RALGPS1: variants seen among roughly 807,000 people sequenced by gnomAD.
RALGPS1 encodes the protein Ral GEF with PH domain and SH3 binding motif 1.
RALGPS1 carries 19 observed loss-of-function variants against 78.8 expected under a neutral mutation model. The ratio of observed to expected loss-of-function variants is 0.24; its 90% CI spans 0.17 to 0.35. The LOEUF is 0.35. Ranked by LOEUF, RALGPS1 falls within the 10% of genes least tolerant of loss-of-function variation. The pLI, the probability that RALGPS1 is intolerant of heterozygous loss-of-function variation, is 1.00. For synonymous variants in RALGPS1, 228 were observed against 256.3 expected (o/e 0.89, Z 1.06); for missense variants, 454 against 688.3 (o/e 0.66, Z 3.81).
At chr9:126,933,975 C>T (rs554152565) in intron 1 of RALGPS1, among the ~76,000 whole-genome samples, 25 of 152,256 alleles carry the variant, frequency 1.6e-4, no homozygotes, top group Non-Finnish European at 3.1e-4. Context: ...TGTCAGAATG[C>T]GTTTTCCCAC....
chr9:127,055,208 A>ATCTGTCTG lies in RALGPS1; in HGVS notation c.483+2272_483+2273insGTCTGTCT, dbSNP rs1554809728. Among the ~76,000 whole-genome samples the ATCTGTCTG allele has an allele frequency of 3.2e-3, 299 of 92,056 alleles. 1 individual carries two copies. The highest frequency in any genetic ancestry group is 4.5e-3 in the Middle Eastern group (1 of 220). 60.4% of individuals were successfully genotyped at this position (92,056 alleles called of 152,430 possible). A position where few individuals can be genotyped will look rare whatever the true frequency, so the allele number is the denominator to read the frequency against. Reference sequence around the variant, plus strand: ...ACTGCCCTAAATGCTTTTTCTATCTATCTATCTGTCTGTCTGTCTGTCTGT... The same window carrying ATCTGTCTG: ...ACTGCCCTAAATGCTTTTTCTATCTATCTGTCTGTCTATCTGTCTGTCTGTCTGTCTGT... On this transcript the variant is annotated intron_variant, in intron 7 of 18. Transcript: ENST00000259351.
intron 11 of RALGPS1, chr9:127,178,145 C>CT: frequency 6.9e-6 from 5 of 728,060 alleles, no homozygotes; most frequent in Non-Finnish European, 1.0e-5. Context: ...TGTGCAGGGT[C>CT]TGTGGGCAGG....
intron 7 of RALGPS1, among the ~76,000 whole-genome samples, chr9:127,068,935 A>G (rs572188998): frequency 2.0e-5 from 3 of 152,348 alleles, no homozygotes; most frequent in South Asian, 2.1e-4. Context: ...TGCTATGGCA[A>G]TGGTAAACTG....
At chr9:127,198,563 TTCTG>T (rs1304151227) in intron 13 of RALGPS1, among the ~76,000 whole-genome samples, 2 of 152,214 alleles carry the variant, frequency 1.3e-5, no homozygotes, top group African/African-American at 4.8e-5. Flanking sequence ...CCCTTGAGGC[TTCTG>T]TCTAATGCCA....
intron 1 of RALGPS1, among the ~76,000 whole-genome samples, chr9:126,940,837 T>C (rs1377649927): frequency 6.6e-6 from 1 of 152,222 alleles, no homozygotes; most frequent in African/African-American, 2.4e-5. Context: ...AACCGCTGTC[T>C]TTAAATACCC....
At chr9:127,047,622 C>T (rs1031309776) in intron 5 of RALGPS1, among the ~76,000 whole-genome samples, 3 of 151,714 alleles carry the variant, frequency 2.0e-5, no homozygotes, top group Non-Finnish European at 4.4e-5. Flanking sequence ...TCGCTTGATC[C>T]CAGGTGGCGG....
intron 1 of RALGPS1, among the ~76,000 whole-genome samples, chr9:126,924,212 G>A (rs1184740775): frequency 2.0e-5 from 3 of 152,168 alleles, no homozygotes; most frequent in Non-Finnish European, 2.9e-5. Flanking sequence ...CCATGCCCAC[G>A]GTGAAGCATT....
intron 8 of RALGPS1, among the ~76,000 whole-genome samples, chr9:127,081,383 C>T (rs893931138): frequency 3.9e-5 from 6 of 152,210 alleles, no homozygotes; most frequent in Non-Finnish European, 8.8e-5. Context: ...CCCTGTGTTC[C>T]TACCACAGGC....
rs35394098 is a variant in RALGPS1 at position 126,956,245 on chromosome 9, A to C, written c.-65-5980A>C. 2.1e-3 allele frequency among the ~76,000 whole-genome samples: 220 copies of C among 104,590 alleles called. 2 individuals carry two copies. The highest frequency in any genetic ancestry group is 3.3e-3 in the East Asian group (4 of 1,228). 68.6% of individuals were successfully genotyped at this position (104,590 alleles called of 152,430 possible). ...TACTCTGGGTAGGGAAGCTGTTCTCAGGGCGGGGCTAGGCCAGGCTAACCC... is the reference window on the plus strand; with the variant it reads ...TACTCTGGGTAGGGAAGCTGTTCTCCGGGCGGGGCTAGGCCAGGCTAACCC... On this transcript the variant is annotated intron_variant, in intron 1 of 18. Transcript: ENST00000259351.
At chr9:127,196,816 C>T (rs1482777939) in intron 13 of RALGPS1, among the ~76,000 whole-genome samples, 185 bp downstream of exon 13, 1 of 152,256 alleles carries the variant, frequency 6.6e-6, no homozygotes, top group East Asian at 1.9e-4. Context: ...AAACCCTTGT[C>T]TCCTAGCCTC....
At chr9:127,162,495 A>G (rs1355070401) in intron 8 of RALGPS1, among the ~76,000 whole-genome samples, 1 of 152,152 alleles carries the variant, frequency 6.6e-6, no homozygotes, top group Non-Finnish European at 1.5e-5. Context: ...TGTGGTTTTC[A>G]TTGTGGGAGT....
chr9:126,927,633 A>G (rs574192726), intron 1 of RALGPS1, among the ~76,000 whole-genome samples: 85 of 152,306 alleles, frequency 5.6e-4, no homozygotes, highest in African/African-American at 2.0e-3. Flanking sequence ...TGCTGCAGAC[A>G]GTCTCTACCC....
chr9:127,005,895 C>T (rs1024169263), intron 4 of RALGPS1, among the ~76,000 whole-genome samples: 2 of 152,198 alleles, frequency 1.3e-5, no homozygotes, highest in Admixed American at 1.3e-4. Context: ...CAAACCTTCT[C>T]CTGCTGGAAG....
intron 1 of RALGPS1, among the ~76,000 whole-genome samples, chr9:126,936,917 G>A (rs575566887): frequency 6.7e-6 from 1 of 150,272 alleles, no homozygotes; most frequent in East Asian, 2.0e-4. Context: ...GCATGATACT[G>A]TCTCACGAAA....
At chr9:127,214,362 G>T (rs1199019139) in intron 17 of RALGPS1, among the ~76,000 whole-genome samples, 3 of 152,172 alleles carry the variant, frequency 2.0e-5, no homozygotes, top group Non-Finnish European at 4.4e-5. Flanking sequence ...TTACAGTGCA[G>T]TATCGGACCG....
chr9:127,081,374 C>T (rs1030705673), intron 8 of RALGPS1, among the ~76,000 whole-genome samples: 2 of 152,230 alleles, frequency 1.3e-5, no homozygotes, highest in African/African-American at 2.4e-5. Flanking sequence ...ATTCCATCTC[C>T]CTGTGTTCCT....
intron 8 of RALGPS1, among the ~76,000 whole-genome samples, chr9:127,109,393 A>G (rs1045724763): frequency 1.3e-5 from 2 of 152,370 alleles, no homozygotes; most frequent in East Asian, 1.9e-4. Flanking sequence ...ATCGTTAGAC[A>G]TGTTATGGAA....
chr9:127,098,038 G>A (rs2053326947), intron 8 of RALGPS1, among the ~76,000 whole-genome samples: 1 of 152,186 alleles, frequency 6.6e-6, no homozygotes, highest in African/African-American at 2.4e-5. Flanking sequence ...ATAGATGAAA[G>A]CTGACATTTT....
At position 127,183,836 on chromosome 9, in the gene RALGPS1, T is replaced by G. The variant is rs1311058037; in HGVS notation, c.910+9054T>G. ...TAGGAGGCCAGTTGTGGCCCATTAC[T>G]CTGGGATTTCACATCTCCTTTGTTC... On this transcript the variant is annotated intron_variant, in intron 11 of 18. Transcript: ENST00000259351. The surrounding 1 kb of genome is among the most constrained non-coding windows in gnomAD (Gnocchi z 4.0). 1 of 1,532,808 alleles carries G rather than the reference T, an allele frequency of 6.5e-7. No individual in the cohort carries two copies. The highest frequency in any genetic ancestry group is 1.2e-5 in the South Asian group (1 of 82,424). 95.0% of individuals were successfully genotyped at this position (1,532,808 alleles called of 1,614,324 possible).
Sources: allele counts gnomAD v4.1 joint callset (sites outside exome capture counted in the v4.1 genomes callset), GRCh38; gene constraint gnomAD v4.1.1; non-coding constraint Gnocchi (gnomAD v3.1); transcripts MANE v1.5; gene names NCBI Gene and HGNC (gene_info 2026-07-23, HGNC 2026-07-21).